Variants in MYO10 observed in about 807,000 individuals in gnomAD.
MYO10 encodes unconventional myosin-X.
Under a neutral mutation model 257.3 loss-of-function variants are expected in MYO10, and 133 were observed. The observed-to-expected ratio is 0.52, with a 90% CI of 0.45 to 0.60. The LOEUF is 0.60. Among genes scored for constraint, MYO10 ranks in the 20% least tolerant of loss-of-function variants. MYO10 has a pLI of 0.00. For synonymous variants in MYO10, 1,104 were observed against 1,028.6 expected, an observed-to-expected ratio of 1.07 and a Z score of -1.40; for missense variants, 2,399 against 2,635.7, an observed-to-expected ratio of 0.91 and a Z score of 1.97.
At position 16,762,557 on chromosome 5, in the gene MYO10, G is replaced by A. The variant is rs988017606; in HGVS notation, c.1575C>T (p.His525=). ...GGTTTTGACATACCGCATGCTGACT[G>A]TGTAGCTTCTCCAATAAGGTGCTGT... The part of the protein sequence containing the change: ...ATDSTLLEKL[H]SQHANNHFYV... Residue 525 remains histidine, a synonymous_variant, in exon 15 of 41, where the codon CAC becomes CAT. Coordinates refer to ENST00000513610, the MANE Select transcript of MYO10 (RefSeq NM_012334.3). 5.6e-6 allele frequency: 9 copies of A among 1,607,070 alleles called. No individual in the cohort carries two copies. Among genetic ancestry groups the A allele is most frequent in the African/African-American group, 1.3e-5 (1 of 74,822 alleles).
intron 30 of MYO10, among the ~76,000 whole-genome samples, chr5:16,683,157 G>A (rs940703055): frequency 6.6e-6 from 1 of 152,128 alleles, no homozygotes; most frequent in African/African-American, 2.4e-5. Flanking sequence ...TGCCAAGGAG[G>A]CACTATATTT....
At position 16,854,367 on chromosome 5, in the gene MYO10, T is replaced by C. The variant is rs191137649; in HGVS notation, c.120+23242A>G. Among the ~76,000 whole-genome samples the C allele has an allele frequency of 3.5e-3, 540 of 152,254 alleles. 9 individuals carry two copies. The highest frequency in any genetic ancestry group is 0.011 in the African/African-American group (476 of 41,546). On this transcript the variant is annotated intron_variant, in intron 2 of 40. Coordinates refer to ENST00000513610, the MANE Select transcript of MYO10 (RefSeq NM_012334.3). The stretch of plus-strand genomic sequence containing the variant: ...CATATAATGGACTATTACTCTGCAA[T>C]AAAAAAGAGTGAAGTGCTGGTACAT...
rs374507651 is a variant in MYO10, at chr5:16,766,260, C to A, written c.1061-62G>T. 2.9e-5 allele frequency: 37 copies of A among 1,276,684 alleles called. No individual in the cohort carries two copies. In the East Asian group the frequency reaches 3.8e-4, roughly 13 times the overall value. 79.1% of individuals were successfully genotyped at this position (1,276,684 alleles called of 1,614,324 possible). ...CCCCCAAGAAGCTAACCAGGCTTAG[C>A]GATACCTTAACGCAGAGAACACACC... On this transcript the variant is annotated intron_variant, in intron 10 of 40. Coordinates refer to ENST00000513610, the MANE Select transcript of MYO10 (RefSeq NM_012334.3).
chr5:16,892,824 C>T (rs372517526), intron 1 of MYO10, among the ~76,000 whole-genome samples: 9 of 152,136 alleles, frequency 5.9e-5, no homozygotes, highest in Admixed American at 2.0e-4. Flanking sequence ...GCACAGGCCT[C>T]GTTCAACCAA....
chr5:16,786,723 T>C (rs1579989816), intron 4 of MYO10, among the ~76,000 whole-genome samples: 1 of 152,166 alleles, frequency 6.6e-6, no homozygotes, highest in East Asian at 1.9e-4. Flanking sequence ...GGATAAGGGA[T>C]ACTCAAGCTG....
chr5:16,723,350 T>C (rs1739229497), intron 19 of MYO10, among the ~76,000 whole-genome samples: 1 of 151,918 alleles, frequency 6.6e-6, no homozygotes, highest in Non-Finnish European at 1.5e-5. Context: ...GTTGCGCCAC[T>C]GCACTCCGGC....
chr5:16,834,581 G>A (rs1219016450), intron 2 of MYO10, among the ~76,000 whole-genome samples: 1 of 152,170 alleles, frequency 6.6e-6, no homozygotes, highest in African/African-American at 2.4e-5. Context: ...CAGCTACCAC[G>A]TGTGGTACTA....
Position 16,901,697 on chromosome 5 carries a change from C to T in MYO10, c.22-23990G>A, listed in dbSNP as rs572306705. On this transcript the variant is annotated intron_variant, in intron 1 of 40. Transcript: ENST00000513610. ...AAATCCTAAATTACCTACTGACACC[C>T]GCCATCTTTTAGACTTCCCTACAAT... Among the ~76,000 whole-genome samples the T allele has an allele frequency of 2.0e-5, 3 of 152,252 alleles. No homozygotes were observed. The South Asian group carries it at 6.2e-4, about 32-fold the overall frequency.
intron 27 of MYO10, among the ~76,000 whole-genome samples, chr5:16,690,510 G>A (rs1030824445): frequency 6.6e-6 from 1 of 152,168 alleles, no homozygotes; most frequent in Non-Finnish European, 1.5e-5. Context: ...TTCTCTAGGG[G>A]AGAGGCTCTC....
intron 3 of MYO10, among the ~76,000 whole-genome samples, chr5:16,801,056 C>T (rs1050229861): frequency 1.4e-4 from 22 of 152,180 alleles, no homozygotes; most frequent in African/African-American, 3.9e-4. Flanking sequence ...AGATGTGTGA[C>T]GATCTTTCAT....
At chr5:16,824,315 G>A (rs1384608) in intron 2 of MYO10, among the ~76,000 whole-genome samples, 71,210 of 151,902 alleles carry the variant, frequency 0.47, 17,628 homozygotes, top group Non-Finnish European at 0.55. Flanking sequence ...CCCCGCCACT[G>A]CTGGGGACAC....
At chr5:16,763,935 G>A (rs748488569) in intron 12 of MYO10, among the ~76,000 whole-genome samples, 180 bp from the exon 13 acceptor site, 5 of 151,990 alleles carry the variant, frequency 3.3e-5, no homozygotes, top group African/African-American at 9.7e-5. Context: ...ACCTGAGGTC[G>A]GGAGTCCAAG....
intron 3 of MYO10, among the ~76,000 whole-genome samples, chr5:16,812,929 T>TA (rs201595115): frequency 0.17 from 23,533 of 142,512 alleles, 1,989 homozygotes; most frequent in South Asian, 0.28. Flanking sequence ...TGCTTTTATT[T>TA]TTTTTTTTTT....
chr5:16,840,179 TA>T, intron 2 of MYO10, among the ~76,000 whole-genome samples: 1 of 151,926 alleles, frequency 6.6e-6, no homozygotes, highest in Non-Finnish European at 1.5e-5. Context: ...TTCGGAGGCT[TA>T]GGTGGGTGGA....
chr5:16,769,501 A>T (rs1040159899), intron 9 of MYO10, among the ~76,000 whole-genome samples: 1 of 152,004 alleles, frequency 6.6e-6, no homozygotes, highest in East Asian at 1.9e-4. Flanking sequence ...TGCCTAGCTA[A>T]TTTTTTGTGT....
At chr5:16,854,902 G>A (rs924168566) in intron 2 of MYO10, among the ~76,000 whole-genome samples, 6 of 151,918 alleles carry the variant, frequency 3.9e-5, no homozygotes, top group South Asian at 2.1e-4. Flanking sequence ...CGTGCGTGGC[G>A]GGCACCTGTA....
intron 1 of MYO10, among the ~76,000 whole-genome samples, chr5:16,909,293 G>A (rs1281640580): frequency 6.6e-6 from 1 of 152,080 alleles, no homozygotes; most frequent in Non-Finnish European, 1.5e-5. Flanking sequence ...CGGATCACGA[G>A]GTCAGGAGTT....
chr5:16,672,293 T>TCAAAAAA (rs1237411717), intron 37 of MYO10, among the ~76,000 whole-genome samples: 3 of 24,618 alleles, frequency 1.2e-4, no homozygotes, highest in Admixed American at 8.0e-4. Flanking sequence ...AGACTCCATC[T>TCAAAAAA]CAAAAAAAAA....
At chr5:16,782,696 G>T (rs150921783) in intron 5 of MYO10, among the ~76,000 whole-genome samples, 216 of 152,238 alleles carry the variant, frequency 1.4e-3, no homozygotes, top group African/African-American at 5.0e-3. Flanking sequence ...AAATAATAGG[G>T]TGTATAAAGT....
Sources: gnomAD v4.1 joint callset for allele counts (sites outside exome capture counted in the v4.1 genomes callset) on GRCh38, gnomAD v4.1.1 for gene constraint, MANE v1.5 for transcripts, NCBI Gene and HGNC (gene_info 2026-07-23, HGNC 2026-07-21) for gene names.